Variants in BRAP observed in about 807,000 individuals in gnomAD.
BRAP encodes the protein BRCA1-associated protein.
BRAP carries 42 observed loss-of-function variants against 73.4 expected under a neutral mutation model. The observed-to-expected ratio is 0.57, with a 90% CI of 0.45 to 0.74. BRAP has a LOEUF of 0.74. BRAP is among the 30% of genes least tolerant of loss of function. BRAP has a pLI of 0.00. For missense variants in BRAP, 593 were observed against 751.4 expected (o/e 0.79, Z 2.46); for synonymous variants, 255 against 267.4 (o/e 0.95, Z 0.45).
At chr12:111,655,450 G>T in intron 10 of BRAP, 116 bp downstream of exon 10, 1 of 793,300 alleles carries the variant, frequency 1.3e-6, no homozygotes, top group Non-Finnish European at 2.0e-6. Context: ...CCTATTACCT[G>T]CCTGAGAAGG....
chr12:111,682,515 A>G (rs960309997), intron 2 of BRAP, among the ~76,000 whole-genome samples: 1 of 151,262 alleles, frequency 6.6e-6, no homozygotes, highest in African/African-American at 2.4e-5. Flanking sequence ...AAAAAAAAAA[A>G]AAAGAAAAGA....
chr12:111,672,604 T>G, intron 5 of BRAP, 57 bp downstream of exon 5: 4 of 1,480,916 alleles, frequency 2.7e-6, no homozygotes, highest in Non-Finnish European at 3.7e-6. Flanking sequence ...ACCTTAGCAT[T>G]CAATTTTACA....
At chr12:111,677,000 C>G (rs1434491012) in intron 4 of BRAP, among the ~76,000 whole-genome samples, 1 of 152,164 alleles carries the variant, frequency 6.6e-6, no homozygotes, top group African/African-American at 2.4e-5. Context: ...GAAGAGCATG[C>G]AGCAACCTGT....
intron 3 of BRAP, 136 bp downstream of exon 3, chr12:111,681,501 C>G (rs1887598134): frequency 1.5e-6 from 1 of 669,906 alleles, no homozygotes; most frequent in Admixed American, 3.3e-5. Context: ...AATTCTCTAA[C>G]ATACAACAGA....
chr12:111,669,232 CTTT>C (rs145945097), intron 5 of BRAP, among the ~76,000 whole-genome samples: 1 of 143,288 alleles, frequency 7.0e-6, no homozygotes, highest in Non-Finnish European at 1.5e-5. Context: ...GCTTCTCTCT[CTTT>C]TTTTTTTTTT....
intron 4 of BRAP, 31 bp from the exon 5 acceptor site, chr12:111,672,805 A>AT: frequency 6.5e-7 from 1 of 1,541,242 alleles, no homozygotes; most frequent in Non-Finnish European, 8.9e-7. Flanking sequence ...AAGGAAAAAA[A>AT]TTAAGACAGA....
chr12:111,652,876 A>AT (rs2135899167), intron 10 of BRAP, among the ~76,000 whole-genome samples: 1 of 152,120 alleles, frequency 6.6e-6, no homozygotes, highest in East Asian at 1.9e-4. Flanking sequence ...AGCCTGGCTA[A>AT]TTTTTTGTAT....
rs80085366 is a variant in BRAP, at chr12:111,647,435, A to C, written c.1415+2504T>G. On this transcript the variant is annotated intron_variant, in intron 11 of 11. Transcript: ENST00000419234. The stretch of plus-strand genomic sequence containing the variant: ...TAGATTCTATTTTTGCAGAGAAAAG[A>C]TTATGCATGTGAGATATTTATGTGG... 6.5e-3 allele frequency among the ~76,000 whole-genome samples: 986 copies of C among 152,356 alleles called. 8 individuals carry two copies. The highest frequency in any genetic ancestry group is 0.018 in the Admixed American group (279 of 15,298).
intron 9 of BRAP, among the ~76,000 whole-genome samples, chr12:111,656,188 GA>G (rs1233962391): frequency 6.6e-6 from 1 of 152,216 alleles, no homozygotes; most frequent in African/African-American, 2.4e-5. Context: ...GCACATGGTG[GA>G]TGTCGAGAAT....
intron 2 of BRAP, among the ~76,000 whole-genome samples, chr12:111,682,876 C>T (rs1887658120): frequency 6.6e-6 from 1 of 152,112 alleles, no homozygotes; most frequent in Non-Finnish European, 1.5e-5. Context: ...TGCACCACTG[C>T]ACTCTAGCCT....
chr12:111,660,685 A>G lies in BRAP; in HGVS notation c.897-10T>C. ...CCGGCAAACAGGACACCTATCCAGG[A>G]CACCAAAAGATAATGGTGCAGGTTA... On this transcript the variant is annotated splice_polypyrimidine_tract_variant and intron_variant, in intron 6 of 11. Coordinates refer to ENST00000419234, the MANE Select transcript of BRAP (RefSeq NM_006768.5). The G allele has an allele frequency of 6.3e-7, 1 of 1,594,842 alleles. No homozygotes were observed. Among genetic ancestry groups the G allele is most frequent in the Non-Finnish European group, 8.5e-7 (1 of 1,172,210 alleles).
chr12:111,654,621 C>T (rs1461795793), intron 10 of BRAP, among the ~76,000 whole-genome samples: 3 of 152,140 alleles, frequency 2.0e-5, no homozygotes, highest in Admixed American at 6.6e-5. Context: ...TGGCCTAAAG[C>T]TGATGTTAAG....
At position 111,642,486 on chromosome 12, in the gene BRAP, G is replaced by C. The variant is rs1885934148; in HGVS notation, c.*1713C>G. 6.6e-6 allele frequency: 1 copy of C among 152,116 alleles called. No individual in the cohort carries two copies. The highest frequency in any genetic ancestry group is 2.4e-5 in the African/African-American group (1 of 41,416). 9.4% of individuals were successfully genotyped at this position (152,116 alleles called of 1,614,324 possible). On this transcript the variant is annotated 3_prime_UTR_variant, in exon 12 of 12. Transcript: ENST00000419234. ...GGTGGTGGGGCCACTGGATAGAAGG[G>C]ATCACAGAGAAATGAGGAGTGAGCG...
chr12:111,670,596 C>T (rs1027745341), intron 5 of BRAP, among the ~76,000 whole-genome samples: 4 of 152,168 alleles, frequency 2.6e-5, no homozygotes, highest in Non-Finnish European at 4.4e-5. Flanking sequence ...GGGGTTTAAG[C>T]AATTCTGCCT....
Position 111,685,817 on chromosome 12 carries a change from C to A in BRAP, c.-25G>T, listed in dbSNP as rs780987768. ...TAGGGCAGGCGCTGGCCGGCGCGGG[C>A]CCCGGCGGGCTCAGGCGAGGCTGGA... On this transcript the variant is annotated 5_prime_UTR_variant, in exon 1 of 12. Transcript: ENST00000419234. The A allele has an allele frequency of 1.3e-6, 2 of 1,530,624 alleles. No homozygotes were observed. The allele number at this position is 1,530,624 out of a possible 1,614,324, so 94.8% of individuals were successfully genotyped here.
intron 10 of BRAP, 110 bp from the exon 11 acceptor site, chr12:111,650,152 C>G (rs929667486): frequency 3.4e-6 from 2 of 591,736 alleles, no homozygotes; most frequent in Non-Finnish European, 5.3e-6. Flanking sequence ...CTTTGACAAA[C>G]CAAAATTAGA....
intron 6 of BRAP, among the ~76,000 whole-genome samples, chr12:111,662,983 T>A (rs1886811969): frequency 6.7e-6 from 1 of 149,708 alleles, no homozygotes; most frequent in Non-Finnish European, 1.5e-5. Context: ...AACAACAGAA[T>A]TAGATTTCAG....
chr12:111,668,864 A>G (rs1471041385), intron 5 of BRAP, among the ~76,000 whole-genome samples: 2 of 151,990 alleles, frequency 1.3e-5, no homozygotes, highest in African/African-American at 4.8e-5. Context: ...CACCATGTTA[A>G]CCAAGATGGT....
chr12:111,645,332 G>T (rs1171860900), intron 11 of BRAP, among the ~76,000 whole-genome samples: 1 of 152,178 alleles, frequency 6.6e-6, no homozygotes, highest in African/African-American at 2.4e-5. Flanking sequence ...CTCCCAAAGT[G>T]CTGGGATTAC....
Sources: gnomAD v4.1 joint callset for allele counts (sites outside exome capture counted in the v4.1 genomes callset) on GRCh38, gnomAD v4.1.1 for gene constraint, MANE v1.5 for transcripts, NCBI Gene and HGNC (gene_info 2026-07-23, HGNC 2026-07-21) for gene names.